Variants in CLOCK observed in about 807,000 individuals in gnomAD.
CLOCK encodes the protein circadian locomoter output cycles protein kaput.
CLOCK carries 43 observed loss-of-function variants against 118.4 expected under a neutral mutation model. That is an observed-to-expected ratio of 0.36 (90% CI 0.28 to 0.47). CLOCK has a LOEUF of 0.47. CLOCK is among the 20% of genes least tolerant of loss of function. The pLI is 1.00. For synonymous variants in CLOCK, 326 were observed against 339.2 expected, an observed-to-expected ratio of 0.96 and a Z score of 0.43; for missense variants, 846 against 999.9, an observed-to-expected ratio of 0.85 and a Z score of 2.08.
chr4:55,448,613 T>C (rs868726842), intron 18 of CLOCK, among the ~76,000 whole-genome samples, 166 bp downstream of exon 18: 5,630 of 119,940 alleles, frequency 0.047, 319 homozygotes, highest in African/African-American at 0.17. Flanking sequence ...TGTGTGTGTG[T>C]GTGTGTGTGT....
At chr4:55,521,982 T>C (rs893106341) in intron 1 of CLOCK, among the ~76,000 whole-genome samples, 1 of 152,096 alleles carries the variant, frequency 6.6e-6, no homozygotes, top group African/African-American at 2.4e-5. Flanking sequence ...AGATCACAAA[T>C]AGAGTCATAT....
At chr4:55,497,442 T>C (rs181417116) in intron 2 of CLOCK, among the ~76,000 whole-genome samples, 45 of 152,328 alleles carry the variant, frequency 3.0e-4, no homozygotes, top group African/African-American at 1.1e-3. Flanking sequence ...GGAATCAGGA[T>C]ATGAACCTCT....
At chr4:55,546,686 TTCCCC>T (rs1477493318) in intron 1 of CLOCK, 91 bp downstream of exon 1, 4 of 91,834 alleles carry the variant, frequency 4.4e-5, no homozygotes, top group African/African-American at 1.7e-4. Flanking sequence ...CTCCCTTCCC[TTCCCC>T]TCCTCCACCA....
intron 1 of CLOCK, among the ~76,000 whole-genome samples, chr4:55,524,188 A>C (rs904478702): frequency 3.9e-5 from 6 of 151,906 alleles, no homozygotes; most frequent in Non-Finnish European, 8.8e-5. Context: ...CAGGAGTTTG[A>C]AGACCAGCCT....
chr4:55,448,594 A>ACGCGCGCGCGCGCACGCG (rs1553891178), intron 18 of CLOCK, among the ~76,000 whole-genome samples, 185 bp downstream of exon 18: 2 of 81,342 alleles, frequency 2.5e-5, no homozygotes, highest in Non-Finnish European at 5.3e-5. Context: ...GCGCGCGCGC[A>ACGCGCGCGCGCGCACGCG]CGCGCGCGTG....
intron 1 of CLOCK, among the ~76,000 whole-genome samples, chr4:55,521,501 C>T (rs746123466): frequency 2.6e-5 from 4 of 152,130 alleles, no homozygotes; most frequent in East Asian, 3.9e-4. Context: ...TGCAGGCGTG[C>T]GTCAACACAC....
At chr4:55,469,575 T>C (rs1384703936) in intron 8 of CLOCK, among the ~76,000 whole-genome samples, 1 of 152,212 alleles carries the variant, frequency 6.6e-6, no homozygotes. Flanking sequence ...TGACCCCGCG[T>C]AGGCCTAGGC....
At position 55,529,685 on chromosome 4, in the gene CLOCK, T is replaced by C. The variant is rs375886326; in HGVS notation, c.-290+17097A>G. Among the ~76,000 whole-genome samples, 27 of 152,256 alleles carry C rather than the reference T, an allele frequency of 1.8e-4. No individual in the cohort carries two copies. The East Asian group carries it at 3.7e-3, about 21-fold the overall frequency. ...AATATGAACTCCTTTACTCACAAGGTAGGTATTATTATCCTCATTTTGTAG... is the reference window on the plus strand; with the variant it reads ...AATATGAACTCCTTTACTCACAAGGCAGGTATTATTATCCTCATTTTGTAG... On this transcript the variant is annotated intron_variant, in intron 1 of 22. Transcript: ENST00000513440.
chr4:55,472,017 G>A (rs1218320421), intron 7 of CLOCK, among the ~76,000 whole-genome samples: 7 of 152,138 alleles, frequency 4.6e-5, no homozygotes, highest in Non-Finnish European at 4.4e-5. Flanking sequence ...GCTGCAATGA[G>A]CCACGACCAT....
chr4:55,518,054 G>A (rs1729629452), intron 1 of CLOCK, among the ~76,000 whole-genome samples: 1 of 152,114 alleles, frequency 6.6e-6, no homozygotes, highest in African/African-American at 2.4e-5. Flanking sequence ...GTGTATGAGT[G>A]TACTAGGTCA....
intron 2 of CLOCK, among the ~76,000 whole-genome samples, chr4:55,502,921 G>C (rs143231266): frequency 6.6e-5 from 10 of 152,090 alleles, no homozygotes; most frequent in Non-Finnish European, 1.2e-4. Flanking sequence ...TAAATCATCA[G>C]GGAATTACGA....
intron 21 of CLOCK, 102 bp from the exon 22 acceptor site, chr4:55,438,639 T>C: frequency 6.4e-7 from 1 of 1,552,844 alleles, no homozygotes. Context: ...CCCAATGACA[T>C]TGCCAGTTTG....
chr4:55,464,917 C>T (rs752222959), intron 8 of CLOCK, among the ~76,000 whole-genome samples: 1 of 152,138 alleles, frequency 6.6e-6, no homozygotes, highest in South Asian at 2.1e-4. Flanking sequence ...TCCAGCCCTC[C>T]AAGCCCACTC....
chr4:55,537,226 T>TA (rs1730962491), intron 1 of CLOCK, among the ~76,000 whole-genome samples: 1 of 152,156 alleles, frequency 6.6e-6, no homozygotes, highest in African/African-American at 2.4e-5. Context: ...CTCACATCTG[T>TA]ATCCCAGCAC....
intron 2 of CLOCK, among the ~76,000 whole-genome samples, chr4:55,492,357 T>TAAAAAAAA (rs369193423): frequency 3.5e-4 from 50 of 141,804 alleles, no homozygotes; most frequent in East Asian, 2.3e-3. Context: ...CTATTCATGA[T>TAAAAAAAA]AAAAAAAAAA....
At chr4:55,499,756 G>A (rs1182718266) in intron 2 of CLOCK, among the ~76,000 whole-genome samples, 1 of 152,176 alleles carries the variant, frequency 6.6e-6, no homozygotes, top group Non-Finnish European at 1.5e-5. Context: ...TTTGAGCAGT[G>A]GTTTACACCA....
At chr4:55,457,314 C>G (rs867730216) in intron 11 of CLOCK, among the ~76,000 whole-genome samples, 5 of 152,322 alleles carry the variant, frequency 3.3e-5, no homozygotes, top group South Asian at 4.1e-4. Flanking sequence ...CATACTCTTT[C>G]ATTTTTACCT....
chr4:55,484,272 C>T (rs1288431024), intron 3 of CLOCK, among the ~76,000 whole-genome samples: 1 of 151,962 alleles, frequency 6.6e-6, no homozygotes, highest in African/African-American at 2.4e-5. Context: ...CTCACTGCTG[C>T]CTTGAAATCC....
chr4:55,480,970 G>A (rs1397405211), intron 4 of CLOCK, among the ~76,000 whole-genome samples: 1 of 152,024 alleles, frequency 6.6e-6, no homozygotes, highest in African/African-American at 2.4e-5. Context: ...GTTAGTGGGG[G>A]ACACGTGAGC....
Sources: allele counts gnomAD v4.1 joint callset (sites outside exome capture counted in the v4.1 genomes callset), GRCh38; gene constraint gnomAD v4.1.1; transcripts MANE v1.5; gene names NCBI Gene and HGNC (gene_info 2026-07-23, HGNC 2026-07-21).